Variants in DISC1 observed in about 807,000 individuals in gnomAD.
DISC1 encodes the protein DISC1 scaffold protein.
DISC1 carries 57 observed loss-of-function variants against 84.5 expected under a neutral mutation model. The observed-to-expected ratio is 0.67, with a 90% confidence interval of 0.55 to 0.84. DISC1 has a LOEUF of 0.84. Among genes scored for constraint, DISC1 ranks in the 40% least tolerant of loss-of-function variants. The pLI, the probability that DISC1 is intolerant of heterozygous loss-of-function variation, is 0.00. For synonymous variants in DISC1, 411 were observed against 415.2 expected, an observed-to-expected ratio of 0.99 and a Z score of 0.12; for missense variants, 1,000 against 1,057.8, an observed-to-expected ratio of 0.95 and a Z score of 0.76.
chr1:231,926,984 T>C (rs905628493), intron 9 of DISC1, among the ~76,000 whole-genome samples: 2 of 152,224 alleles, frequency 1.3e-5, no homozygotes, highest in Non-Finnish European at 2.9e-5. Context: ...GAATTCCAGA[T>C]AGTCCAATGA....
chr1:231,726,517 G>A (rs1272862802), intron 3 of DISC1, among the ~76,000 whole-genome samples: 14 of 152,170 alleles, frequency 9.2e-5, no homozygotes, highest in African/African-American at 3.4e-4. Flanking sequence ...GGGAAATTCA[G>A]TCTATCTCCC....
chr1:231,736,848 G>A (rs1210383131), intron 3 of DISC1, among the ~76,000 whole-genome samples: 1 of 152,208 alleles, frequency 6.6e-6, no homozygotes, highest in Non-Finnish European at 1.5e-5. Context: ...CAGCCTCTAA[G>A]AATATGGTCT....
At chr1:231,931,824 A>ATT (rs936619060) in intron 9 of DISC1, among the ~76,000 whole-genome samples, 1 of 150,326 alleles carries the variant, frequency 6.7e-6, no homozygotes, top group African/African-American at 2.4e-5. Flanking sequence ...ATTAAAAAAA[A>ATT]TTTTTTTTTT....
At chr1:232,015,266 C>T (rs1338270046) in intron 11 of DISC1, among the ~76,000 whole-genome samples, 1 of 152,116 alleles carries the variant, frequency 6.6e-6, no homozygotes, top group Non-Finnish European at 1.5e-5. Flanking sequence ...TTGCTCCATG[C>T]TCCAGGGCCT....
chr1:231,966,615 A>G (rs1470794345), intron 10 of DISC1, among the ~76,000 whole-genome samples: 1 of 152,202 alleles, frequency 6.6e-6, no homozygotes, highest in Non-Finnish European at 1.5e-5. Flanking sequence ...TAACTGATGG[A>G]ATCTCTTGTA....
chr1:231,787,843 A>G (rs1021261961), intron 6 of DISC1, among the ~76,000 whole-genome samples: 1 of 152,112 alleles, frequency 6.6e-6, no homozygotes, highest in Non-Finnish European at 1.5e-5. Flanking sequence ...TCACTTCCAG[A>G]CTTCTAGCTC....
chr1:231,959,632 C>A, intron 10 of DISC1: 3 of 479,056 alleles, frequency 6.3e-6, no homozygotes, highest in Non-Finnish European at 8.2e-6. Flanking sequence ...AGCTAAAATG[C>A]TGCTTTTCCA....
At position 232,008,840 on chromosome 1, in the gene DISC1, T is replaced by A. The variant is rs1558832444; in HGVS notation, c.2098T>A (p.Leu700Met). ...VWEADLEACR[L>M]LIQSLQLQEA... ...GGAAGCTGACTTGGAAGCTTGTCGA[T>A]TGCTTATCCAGAGCCTACAGCTCCA... The change falls in exon 11 of 13, where the codon TTG (leucine) becomes ATG (methionine). Residue 700 changes from leucine (L) to methionine (M), a missense_variant. Leu to Met is a conservative substitution (Grantham distance 15). Around this residue, in one of 3 missense-constraint regions of DISC1, gnomAD observed 397 missense variants for 377.5 expected, o/e 1.05. Coordinates refer to ENST00000439617, the MANE Select transcript of DISC1 (RefSeq NM_018662.3). 1.2e-6 allele frequency: 2 copies of A among 1,607,072 alleles called. No individual in the cohort carries two copies. Among genetic ancestry groups the A allele is most frequent in the Non-Finnish European group, 1.7e-6 (2 of 1,175,560 alleles).
rs375540415 is a variant in DISC1, at chr1:231,884,994, T to C, written c.1981+66477T>C. 3.9e-5 allele frequency among the ~76,000 whole-genome samples: 6 copies of C among 152,308 alleles called. No homozygotes were observed. In the South Asian group the frequency reaches 1.2e-3, roughly 32 times the overall value. Reference sequence around the variant, plus strand: ...GTCCTTCCGTGTTCCACCTGATCCATGGCCAACTGGCTTTAGAAGTTGTTA... The same window carrying C: ...GTCCTTCCGTGTTCCACCTGATCCACGGCCAACTGGCTTTAGAAGTTGTTA... On this transcript the variant is annotated intron_variant, in intron 9 of 12. Coordinates refer to ENST00000439617, the MANE Select transcript of DISC1 (RefSeq NM_018662.3).
chr1:231,637,392 T>C (rs1289335214), intron 1 of DISC1, among the ~76,000 whole-genome samples: 1 of 152,242 alleles, frequency 6.6e-6, no homozygotes, highest in African/African-American at 2.4e-5. Flanking sequence ...GCAATTTCAT[T>C]ACATGCATAG....
intron 9 of DISC1, among the ~76,000 whole-genome samples, chr1:231,878,236 A>C (rs2086036167): frequency 6.6e-6 from 1 of 152,236 alleles, no homozygotes; most frequent in Non-Finnish European, 1.5e-5. Flanking sequence ...ACAAAGACAC[A>C]GACAGGCAAT....
chr1:232,001,495 C>T (rs982772926), intron 10 of DISC1, among the ~76,000 whole-genome samples: 1 of 152,142 alleles, frequency 6.6e-6, no homozygotes, highest in Non-Finnish European at 1.5e-5. Context: ...TATTGTAATA[C>T]ACAGAGCAAT....
rs1195097269 is a variant in DISC1 at position 232,040,743 on chromosome 1, A to G, written c.*3912A>G. ...GAGTCAAAGAAACTGAGCCTGGGGC[A>G]AACGAGGCTTCCCACACTGCCAGGG... On this transcript the variant is annotated 3_prime_UTR_variant, in exon 13 of 13. Transcript: ENST00000439617. 6.6e-6 allele frequency: 1 copy of G among 152,210 alleles called. No homozygotes were observed. The highest frequency in any genetic ancestry group is 2.4e-5 in the African/African-American group (1 of 41,450). The allele number at this position is 152,210 out of a possible 1,614,324, so 9.4% of individuals were successfully genotyped here.
chr1:231,821,361 C>T (rs369177328), intron 9 of DISC1, among the ~76,000 whole-genome samples: 3 of 152,046 alleles, frequency 2.0e-5, no homozygotes, highest in East Asian at 1.9e-4. Context: ...TAGAACAATA[C>T]GGTGATAGAA....
At chr1:231,786,024 CTG>C in intron 6 of DISC1, among the ~76,000 whole-genome samples, 1 of 152,134 alleles carries the variant, frequency 6.6e-6, no homozygotes, top group East Asian at 1.9e-4. Flanking sequence ...TATTATATTT[CTG>C]TCTCATCTAA....
intron 9 of DISC1, among the ~76,000 whole-genome samples, chr1:231,863,394 CTAA>C (rs947964770): frequency 6.6e-6 from 1 of 150,962 alleles, no homozygotes; most frequent in African/African-American, 2.5e-5. Flanking sequence ...CCATGCCTGG[CTAA>C]TTTTTGTACT....
At chr1:231,992,422 G>A (rs1319571289) in intron 10 of DISC1, among the ~76,000 whole-genome samples, 7 of 152,084 alleles carry the variant, frequency 4.6e-5, no homozygotes, top group Non-Finnish European at 1.0e-4. Context: ...CATAGACCAT[G>A]CAACGTGTTA....
In DISC1 at chr1:231,772,156, A is replaced by T. The variant is rs565127029; in HGVS notation, c.1634+1086A>T. Among the ~76,000 whole-genome samples, 6 of 151,818 alleles carry T rather than the reference A, an allele frequency of 4.0e-5. 1 individual carries two copies. The highest frequency in any genetic ancestry group is 8.8e-5 in the Non-Finnish European group (6 of 67,962). The stretch of plus-strand genomic sequence containing the variant: ...TTTTTTGTAGAGGTGAAGTATTTCT[A>T]TGTTGCCCAGGTTGCTCTTGAATTC... On this transcript the variant is annotated intron_variant, in intron 6 of 12. Coordinates refer to ENST00000439617, the MANE Select transcript of DISC1 (RefSeq NM_018662.3).
intron 9 of DISC1, among the ~76,000 whole-genome samples, chr1:231,856,537 C>G (rs1171527390): frequency 6.6e-6 from 1 of 152,148 alleles, no homozygotes; most frequent in Non-Finnish European, 1.5e-5. Context: ...CTCTCATGTC[C>G]CTGCTCCAGG....
Sources: allele counts gnomAD v4.1 joint callset (sites outside exome capture counted in the v4.1 genomes callset), GRCh38; gene constraint gnomAD v4.1.1; regional missense constraint gnomAD v4.1.1; transcripts MANE v1.5; gene names NCBI Gene and HGNC (gene_info 2026-07-23, HGNC 2026-07-21).